SH3BP1: variants seen among roughly 807,000 people sequenced by gnomAD.
SH3BP1 encodes the protein SH3 domain binding protein 1, also known as SH3 domain-binding protein 1.
In SH3BP1, 46 loss-of-function variants were observed where a neutral mutation model predicts 69.8. The observed-to-expected ratio is 0.66, with a 90% CI of 0.52 to 0.84. The LOEUF (loss-of-function observed/expected upper bound fraction) is 0.84. Ranked by LOEUF, SH3BP1 falls within the 40% of genes least tolerant of loss-of-function variation. SH3BP1 has a pLI of 0.00. For synonymous variants in SH3BP1, 403 were observed against 378.0 expected (o/e 1.07, Z -0.77); for missense variants, 868 against 930.9 (o/e 0.93, Z 0.88).
In SH3BP1 at chr22:37,641,108, C is replaced by A. The variant is rs778675841; in HGVS notation, c.60-18C>A. On this transcript the variant is annotated intron_variant, in intron 1 of 17. Coordinates refer to ENST00000649765, the MANE Select transcript of SH3BP1 (RefSeq NM_018957.6). ...TCAGCAGAAGCACTCTCCCCCCCCC[C>A]CCCACCACTCCCCGCAGCACCCCGG... 40 of 1,388,464 alleles carry A rather than the reference C, an allele frequency of 2.9e-5. No homozygotes were observed. Among genetic ancestry groups the A allele is most frequent in the South Asian group, 1.6e-4 (12 of 74,644 alleles). The allele number at this position is 1,388,464 out of a possible 1,614,324, so 86.0% of individuals were successfully genotyped here. A position where few individuals can be genotyped will look rare whatever the true frequency, so the allele number is the denominator to read the frequency against.
rs1052751253 is a variant in SH3BP1 at position 37,641,485 on chromosome 22, G to C, written c.207+7G>C. 1.3e-6 allele frequency: 2 copies of C among 1,545,778 alleles called. No individual in the cohort carries two copies. Among genetic ancestry groups the C allele is most frequent in the South Asian group, 2.4e-5 (2 of 83,696 alleles). ...AGACATGGACAAGCGGGTGGTGAGT[G>C]GGGGGTCCCGGGAAGGAGGGGCCTG... On this transcript the variant is annotated splice_region_variant and intron_variant, in intron 3 of 17. Coordinates refer to ENST00000649765, the MANE Select transcript of SH3BP1 (RefSeq NM_018957.6).
chr22:37,644,780 A>G lies in SH3BP1; in HGVS notation c.687+75A>G. 1.9e-6 allele frequency: 3 copies of G among 1,603,398 alleles called. No homozygotes were observed. In the South Asian group the frequency reaches 3.3e-5, roughly 18 times the overall value. Reference sequence around the variant, plus strand: ...CAGAGCCAGGGGCCACTGGGGCTCTAAGATGGTGGAGGGGGCGTCTGCTCT... The same window carrying G: ...CAGAGCCAGGGGCCACTGGGGCTCTGAGATGGTGGAGGGGGCGTCTGCTCT... On this transcript the variant is annotated intron_variant, in intron 8 of 17. Coordinates refer to ENST00000649765, the MANE Select transcript of SH3BP1 (RefSeq NM_018957.6).
At chr22:37,646,419 C>T (rs546051904) in intron 10 of SH3BP1, among the ~76,000 whole-genome samples, 1 of 152,114 alleles carries the variant, frequency 6.6e-6, no homozygotes, top group Admixed American at 6.6e-5. Context: ...CCATGCCCAG[C>T]TAATTTTTTT....
chr22:37,643,804 G>A lies in SH3BP1; in HGVS notation c.618+16G>A. The stretch of plus-strand genomic sequence containing the variant: ...GCAATGCAGGGTGAGGGCCATGGGG[G>A]TCCCCTGGATATGTAGGGGTGGCAG... On this transcript the variant is annotated intron_variant, in intron 7 of 17. Transcript: ENST00000649765. 6.2e-7 allele frequency: 1 copy of A among 1,611,612 alleles called. No homozygotes were observed. Among genetic ancestry groups the A allele is most frequent in the Non-Finnish European group, 8.5e-7 (1 of 1,179,764 alleles).
intron 14 of SH3BP1, 95 bp downstream of exon 14, chr22:37,648,530 A>G: frequency 1.2e-6 from 1 of 842,478 alleles, no homozygotes; most frequent in Non-Finnish European, 1.9e-6. Flanking sequence ...TGGTGTCCCC[A>G]TTTTTGGAGT....
rs1417436357 is a variant in SH3BP1, at chr22:37,650,268, T to A, written c.1414+19T>A. 1.3e-6 allele frequency: 2 copies of A among 1,584,206 alleles called. No homozygotes were observed. The highest frequency in any genetic ancestry group is 1.7e-6 in the Non-Finnish European group (2 of 1,164,146). On this transcript the variant is annotated intron_variant, in intron 15 of 17. Transcript: ENST00000649765. The stretch of plus-strand genomic sequence containing the variant: ...CCTGGAGGTGAAGCTCCTGCCTGCA[T>A]GGACGCCCTGCTGGGTGCCCTCCTT...
chr22:37,650,799 G>A, intron 16 of SH3BP1, 74 bp downstream of exon 16: 1 of 1,488,058 alleles, frequency 6.7e-7, no homozygotes, highest in East Asian at 2.3e-5. Context: ...ATGTCTCAGA[G>A]CTGGAAGCTG....
intron 7 of SH3BP1, among the ~76,000 whole-genome samples, chr22:37,644,370 C>T (rs763130898): frequency 2.2e-4 from 34 of 152,246 alleles, no homozygotes; most frequent in Non-Finnish European, 4.1e-4. Context: ...CAGTGTGAGA[C>T]TCCGTCTCAA....
intron 16 of SH3BP1, 95 bp downstream of exon 16, chr22:37,650,820 A>C: frequency 6.9e-7 from 1 of 1,448,396 alleles, no homozygotes; most frequent in Non-Finnish European, 9.3e-7. Flanking sequence ...AATTTTTGGA[A>C]ATGTAATTAT....
rs932590300 is a variant in SH3BP1 at position 37,641,455 on chromosome 22, G to C, written c.184G>C (p.Gly62Arg). 1 of 1,551,100 alleles carries C rather than the reference G, an allele frequency of 6.4e-7. No individual in the cohort carries two copies. The highest frequency in any genetic ancestry group is 8.7e-7 in the Non-Finnish European group (1 of 1,147,086). Residue 62 changes from glycine (G) to arginine (R), a missense_variant, in exon 3 of 18, where the codon GGG becomes CGG. Gly to Arg is a moderately radical substitution (Grantham distance 125, BLOSUM62 -2). Around this residue, in one of 3 missense-constraint regions of SH3BP1, gnomAD observed 387 missense variants for 447.9 expected, o/e 0.86. Transcript: ENST00000649765. The part of the protein sequence containing the change: ...RLQACLQGQS[G>R]ADMDKRVKKL... ...GCAGGCCTGTCTGCAGGGCCAGAGC[G>C]GGGCAGACATGGACAAGCGGGTGGT...
rs1175017189 is a variant in SH3BP1 at position 37,641,033 on chromosome 22, G to C, written c.60-93G>C. 3 of 872,380 alleles carry C rather than the reference G, an allele frequency of 3.4e-6. No homozygotes were observed. In the African/African-American group the frequency reaches 5.0e-5, roughly 15 times the overall value. 54.0% of individuals were successfully genotyped at this position (872,380 alleles called of 1,614,324 possible). On this transcript the variant is annotated intron_variant, in intron 1 of 17. Coordinates refer to ENST00000649765, the MANE Select transcript of SH3BP1 (RefSeq NM_018957.6). ...GGACAGTGGAAGCACTGGGGTCCAG[G>C]TGCCCTGCTGCGGGGAAGGGAAGTA...
At chr22:37,651,850 G>A (rs1332357968) in intron 16 of SH3BP1, among the ~76,000 whole-genome samples, 1 of 151,846 alleles carries the variant, frequency 6.6e-6, no homozygotes, top group African/African-American at 2.4e-5. Flanking sequence ...AGGTGGAGAG[G>A]CGCTGCTAAG....
chr22:37,640,977 T>G (rs1197293339), intron 1 of SH3BP1, 149 bp from the exon 2 acceptor site: 49 of 648,128 alleles, frequency 7.6e-5, no homozygotes, highest in Non-Finnish European at 1.1e-4. Flanking sequence ...ATGAAGCAAC[T>G]GGGCCACCCA....
rs11329854 is a variant in SH3BP1 at position 37,645,960 on chromosome 22, CTTT to C, written c.924+470_924+472del. On this transcript the variant is annotated intron_variant, in intron 10 of 17. Transcript: ENST00000649765. Reference sequence around the variant, plus strand: ...GCTGGGGCCTCCTTTCTCCCTTACACTTTTTTTTTTTTTTTTTTTTTTGAGATA... The same window carrying C: ...GCTGGGGCCTCCTTTCTCCCTTACACTTTTTTTTTTTTTTTTTTTGAGATA... Among the ~76,000 whole-genome samples the C allele has an allele frequency of 1.8e-3, 230 of 126,256 alleles. 1 individual carries two copies. Among genetic ancestry groups the C allele is most frequent in the African/African-American group, 7.3e-3 (213 of 29,090 alleles). The allele number at this position is 126,256 out of a possible 152,430, so 82.8% of individuals were successfully genotyped here. A position where few individuals can be genotyped will look rare whatever the true frequency, so the allele number is the denominator to read the frequency against.
At chr22:37,646,969 G>A (rs1932796402) in intron 11 of SH3BP1, 40 bp downstream of exon 11, 1 of 1,378,826 alleles carries the variant, frequency 7.3e-7, no homozygotes, top group Non-Finnish European at 9.7e-7. Flanking sequence ...GGTTGGGGGG[G>A]AGGGGGTGCA....
At position 37,642,931 on chromosome 22, in the gene SH3BP1, G is replaced by A; in HGVS notation, c.321G>A (p.Gln107=). ...AGATGAGCTGTGCCATCCAGAATCA[G>A]CTGGCCCGCATCCTGGCCGAGTTTG... is the stretch of plus-strand genomic sequence containing the variant. The part of the protein sequence containing the change: ...ALEMSCAIQN[Q]LARILAEFEM... Residue 107 remains glutamine (Q), a synonymous_variant, in exon 5 of 18, where the codon CAG becomes CAA. Transcript: ENST00000649765. 3 of 1,612,790 alleles carry A rather than the reference G, an allele frequency of 1.9e-6. No homozygotes were observed. Among genetic ancestry groups the A allele is most frequent in the Non-Finnish European group, 2.5e-6 (3 of 1,179,994 alleles).
intron 1 of SH3BP1, 26 bp from the exon 2 acceptor site, chr22:37,641,100 C>T (rs1282197755): frequency 1.2e-4 from 46 of 379,714 alleles, no homozygotes; most frequent in Middle Eastern, 6.8e-4. Context: ...AAGCACTCTC[C>T]CCCCCCCCCC....
intron 6 of SH3BP1, 134 bp downstream of exon 6, chr22:37,643,308 C>T (rs760912824): frequency 2.5e-6 from 2 of 807,506 alleles, no homozygotes; most frequent in Non-Finnish European, 4.1e-6. Flanking sequence ...TTGTGCACGC[C>T]TGGTCCCTAG....
At position 37,642,627 on chromosome 22, in the gene SH3BP1, C is replaced by T. The variant is rs370987851; in HGVS notation, c.284+12C>T. 61 of 1,613,086 alleles carry T rather than the reference C, an allele frequency of 3.8e-5. No individual in the cohort carries two copies. Among genetic ancestry groups the T allele is most frequent in the East Asian group, 2.9e-4 (13 of 44,896 alleles). Reference sequence around the variant, plus strand: ...GATTCCAGCATGGGGTGAGCACAGACGGGGCCCAGCCCTCACCTGGGGATA... The same window carrying T: ...GATTCCAGCATGGGGTGAGCACAGATGGGGCCCAGCCCTCACCTGGGGATA... On this transcript the variant is annotated intron_variant, in intron 4 of 17. Transcript: ENST00000649765.
Sources: allele counts gnomAD v4.1 joint callset (sites outside exome capture counted in the v4.1 genomes callset), GRCh38; gene constraint gnomAD v4.1.1; regional missense constraint gnomAD v4.1.1; transcripts MANE v1.5; gene names NCBI Gene and HGNC (gene_info 2026-07-23, HGNC 2026-07-21).